Variants in AOAH observed in about 807,000 individuals in gnomAD.
AOAH encodes acyloxyacyl hydrolase (neutrophil).
AOAH carries 64 observed loss-of-function variants against 92.2 expected under a neutral mutation model. The ratio of observed to expected loss-of-function variants is 0.69; its 90% confidence interval spans 0.57 to 0.86. The LOEUF (loss-of-function observed/expected upper bound fraction) is 0.86. AOAH is among the 40% of genes least tolerant of loss of function. The pLI is 0.00. For synonymous variants in AOAH, 263 were observed against 254.5 expected, an observed-to-expected ratio of 1.03 and a Z score of -0.32; for missense variants, 656 against 694.6, an observed-to-expected ratio of 0.94 and a Z score of 0.62.
At chr7:36,655,194 G>A (rs12530787) in intron 4 of AOAH, among the ~76,000 whole-genome samples, 37,637 of 152,040 alleles carry the variant, frequency 0.25, 4,999 homozygotes, top group African/African-American at 0.33. Flanking sequence ...CCACACCTTC[G>A]TCATCTATAA....
rs373000526 is a variant in AOAH, at chr7:36,604,121, TC to T, written c.847-9692del. Among the ~76,000 whole-genome samples the T allele has an allele frequency of 3.2e-3, 491 of 152,268 alleles. 3 individuals carry two copies. Among genetic ancestry groups the T allele is most frequent in the African/African-American group, 0.01 (431 of 41,552 alleles). ...GGGAGCTCTTTTATAAGAGTACCAA[TC>T]CCAGCCATGAGGATGGAGCCCTGAT... On this transcript the variant is annotated intron_variant, in intron 11 of 20. Coordinates refer to ENST00000617537, the MANE Select transcript of AOAH (RefSeq NM_001637.4).
At chr7:36,580,463 C>T (rs1788852806) in intron 12 of AOAH, among the ~76,000 whole-genome samples, 1 of 152,030 alleles carries the variant, frequency 6.6e-6, no homozygotes, top group Non-Finnish European at 1.5e-5. Context: ...CACTTGTCTG[C>T]TATAGAATTC....
intron 13 of AOAH, among the ~76,000 whole-genome samples, chr7:36,563,800 A>G (rs922007273): frequency 6.6e-6 from 1 of 152,200 alleles, no homozygotes; most frequent in Non-Finnish European, 1.5e-5. Flanking sequence ...AAAATCCATC[A>G]TGAGAAATTT....
chr7:36,651,627 T>C (rs1794581630), intron 4 of AOAH, among the ~76,000 whole-genome samples: 1 of 152,234 alleles, frequency 6.6e-6, no homozygotes, highest in Admixed American at 6.5e-5. Context: ...TTTAATTCCC[T>C]CTGGCTCTGA....
chr7:36,722,236 T>G (rs1351277405), intron 1 of AOAH, among the ~76,000 whole-genome samples: 1 of 152,134 alleles, frequency 6.6e-6, no homozygotes, highest in Non-Finnish European at 1.5e-5. Flanking sequence ...GATGCAGCAA[T>G]AATAGAAAAA....
At chr7:36,644,273 T>G (rs547170687) in intron 4 of AOAH, among the ~76,000 whole-genome samples, 2 of 151,944 alleles carry the variant, frequency 1.3e-5, no homozygotes, top group African/African-American at 4.8e-5. Context: ...TCAGACCCAC[T>G]TGGCACAAAG....
At chr7:36,639,216 A>T (rs757723547) in intron 4 of AOAH, among the ~76,000 whole-genome samples, 2 of 152,208 alleles carry the variant, frequency 1.3e-5, no homozygotes, top group Non-Finnish European at 2.9e-5. Flanking sequence ...CAAACCCTAA[A>T]ATTCTCCTAT....
intron 13 of AOAH, among the ~76,000 whole-genome samples, chr7:36,557,275 T>C (rs1562566204): frequency 6.6e-6 from 1 of 152,234 alleles, no homozygotes; most frequent in Admixed American, 6.5e-5. Flanking sequence ...AAATTCTGGG[T>C]TGAAAATTCT....
At chr7:36,694,468 T>C (rs945952610) in intron 1 of AOAH, among the ~76,000 whole-genome samples, 1 of 152,078 alleles carries the variant, frequency 6.6e-6, no homozygotes, top group African/African-American at 2.4e-5. Context: ...CCAGTCTGGG[T>C]GACAAGAGCA....
intron 1 of AOAH, among the ~76,000 whole-genome samples, chr7:36,694,229 G>T (rs1797574865): frequency 6.6e-6 from 1 of 152,196 alleles, no homozygotes. Flanking sequence ...AGGTGTGGTG[G>T]CTCACGACTG....
intron 1 of AOAH, among the ~76,000 whole-genome samples, chr7:36,721,753 C>A (rs1158441410): frequency 6.6e-6 from 1 of 152,258 alleles, no homozygotes; most frequent in African/African-American, 2.4e-5. Context: ...ATAGAGATGA[C>A]CACACATTTC....
chr7:36,681,576 G>A (rs750849236), intron 2 of AOAH, among the ~76,000 whole-genome samples: 1 of 152,024 alleles, frequency 6.6e-6, no homozygotes, highest in East Asian at 1.9e-4. Flanking sequence ...AGGCCGAGGC[G>A]GGCAGATCAC....
intron 1 of AOAH, among the ~76,000 whole-genome samples, chr7:36,720,789 T>G (rs1799574910): frequency 6.8e-6 from 1 of 146,304 alleles, no homozygotes; most frequent in Non-Finnish European, 1.5e-5. Flanking sequence ...CCTTCATCTG[T>G]GTATCCCTGC....
chr7:36,549,975 T>G (rs1319564578), intron 13 of AOAH: 1 of 155,360 alleles, frequency 6.4e-6, no homozygotes, highest in East Asian at 1.9e-4. Context: ...AGGTTCAGAT[T>G]GTAGAGTTGA....
At chr7:36,713,271 G>A (rs1798895928) in intron 1 of AOAH, among the ~76,000 whole-genome samples, 1 of 151,608 alleles carries the variant, frequency 6.6e-6, no homozygotes. Flanking sequence ...TCAACAAGAA[G>A]AGCTAACTAT....
intron 4 of AOAH, among the ~76,000 whole-genome samples, chr7:36,650,028 C>T (rs1315484346): frequency 6.6e-6 from 1 of 152,138 alleles, no homozygotes; most frequent in African/African-American, 2.4e-5. Context: ...AGATTCCATT[C>T]CTTGGAATCC....
In AOAH at chr7:36,720,836, G is replaced by A. The variant is rs115697252; in HGVS notation, c.127+3186C>T. Among the ~76,000 whole-genome samples the A allele has an allele frequency of 2.2e-3, 340 of 151,708 alleles. 4 individuals carry two copies. Among genetic ancestry groups the A allele is most frequent in the African/African-American group, 7.7e-3 (320 of 41,332 alleles). ...CAGTGGCCATGTGAGAACTGAGTGC[G>A]CGGAAATGTTTGGGGACCACCTTTC... On this transcript the variant is annotated intron_variant, in intron 1 of 20. Coordinates refer to ENST00000617537, the MANE Select transcript of AOAH (RefSeq NM_001637.4).
At chr7:36,580,897 C>G (rs1269513095) in intron 12 of AOAH, among the ~76,000 whole-genome samples, 1 of 152,144 alleles carries the variant, frequency 6.6e-6, no homozygotes, top group Admixed American at 6.5e-5. Context: ...TGGCAACACT[C>G]TGGGGCATGT....
At chr7:36,700,840 C>T (rs987312793) in intron 1 of AOAH, among the ~76,000 whole-genome samples, 2 of 152,000 alleles carry the variant, frequency 1.3e-5, no homozygotes, top group African/African-American at 4.8e-5. Flanking sequence ...ATCCTTTCAA[C>T]ATCTGTTATG....
Sources: gnomAD v4.1 joint callset for allele counts (sites outside exome capture counted in the v4.1 genomes callset) on GRCh38, gnomAD v4.1.1 for gene constraint, MANE v1.5 for transcripts, NCBI Gene and HGNC (gene_info 2026-07-23, HGNC 2026-07-21) for gene names.